The following RNF187 variants were observed in gnomAD, a reference collection of about 807,000 sequenced individuals.
The protein encoded by RNF187 is ring finger protein 187, also known as E3 ubiquitin-protein ligase RNF187.
RNF187 carries 18 observed loss-of-function variants against 22.2 expected under a neutral mutation model. That is an observed-to-expected ratio of 0.81 (90% CI 0.56 to 1.20). The LOEUF is 1.20. Among genes scored for constraint, RNF187 ranks in the 50% most tolerant of loss-of-function variants. The probability of loss-of-function intolerance (pLI) is 0.00; values close to 1 mark genes in which losing one functional copy is unlikely to be tolerated. For missense variants in RNF187, 329 were observed against 317.6 expected (o/e 1.04, Z -0.27); for synonymous variants, 164 against 140.9 (o/e 1.16, Z -1.16).
In RNF187 at chr1:228,494,836, G is replaced by A; in HGVS notation, c.*951G>A. On this transcript the variant is annotated 3_prime_UTR_variant, in exon 4 of 4. Transcript: ENST00000305943. Reference sequence around the variant, plus strand: ...GTTGTTGAGATTTGGGGATAGCCGGGCTTGTGAGCGGTGCCCATTTCCAGA... The same window carrying A: ...GTTGTTGAGATTTGGGGATAGCCGGACTTGTGAGCGGTGCCCATTTCCAGA... The A allele has an allele frequency of 1.0e-6, 1 of 985,464 alleles. No homozygotes were observed. The highest frequency in any genetic ancestry group is 4.7e-5 in the South Asian group (1 of 21,282). The allele number at this position is 985,464 out of a possible 1,614,324, so 61.0% of individuals were successfully genotyped here.
In RNF187 at chr1:228,493,938, T is replaced by C; in HGVS notation, c.*53T>C. 26 of 1,551,632 alleles carry C rather than the reference T, an allele frequency of 1.7e-5. No homozygotes were observed. In the East Asian group the frequency reaches 5.4e-4, roughly 32 times the overall value. ...CTGGAGGCAGGAGGATGGATCCTCATCTCCATGGGAAGTGTCAGCGTGTGG... is the reference window on the plus strand; with the variant it reads ...CTGGAGGCAGGAGGATGGATCCTCACCTCCATGGGAAGTGTCAGCGTGTGG... On this transcript the variant is annotated 3_prime_UTR_variant, in exon 4 of 4. Coordinates refer to ENST00000305943, the MANE Select transcript of RNF187 (RefSeq NM_001010858.3). The surrounding 1 kb of genome is among the most constrained non-coding windows in gnomAD (Gnocchi z 4.7).
chr1:228,492,386 T>G, intron 2 of RNF187, among the ~76,000 whole-genome samples: 2 of 151,760 alleles, frequency 1.3e-5, no homozygotes, highest in African/African-American at 2.4e-5. Flanking sequence ...TTTTTGTTTT[T>G]TTTTGGCTCA....
intron 1 of RNF187, 100 bp downstream of exon 1, chr1:228,487,978 T>A: frequency 1.4e-6 from 1 of 702,748 alleles, no homozygotes; most frequent in Non-Finnish European, 1.7e-6. Flanking sequence ...CCGTCTCCAC[T>A]GTTCCTGTCC....
Position 228,493,863 on chromosome 1 carries a change from C to T in RNF187, c.706-20C>T. On this transcript the variant is annotated intron_variant, in intron 3 of 3. Transcript: ENST00000305943. The surrounding 1 kb of genome is among the most constrained non-coding windows in gnomAD (Gnocchi z 4.7). The stretch of plus-strand genomic sequence containing the variant: ...TTTCTCTTTTTGTCTCTCTGTCTTT[C>T]CCTCTCCCCTCCCATGCAGTGATGG... 1.3e-6 allele frequency: 2 copies of T among 1,551,420 alleles called. No individual in the cohort carries two copies. Among genetic ancestry groups the T allele is most frequent in the African/African-American group, 1.4e-5 (1 of 73,048 alleles).
chr1:228,494,679 T>G lies in RNF187; in HGVS notation c.*794T>G. 5.1e-6 allele frequency: 5 copies of G among 985,560 alleles called. No individual in the cohort carries two copies. Among genetic ancestry groups the G allele is most frequent in the Non-Finnish European group, 6.0e-6 (5 of 830,044 alleles). 61.1% of individuals were successfully genotyped at this position (985,560 alleles called of 1,614,324 possible). A position where few individuals can be genotyped will look rare whatever the true frequency, so the allele number is the denominator to read the frequency against. On this transcript the variant is annotated 3_prime_UTR_variant, in exon 4 of 4. Transcript: ENST00000305943. ...AGCTCTTTCCCTCCTCCCATTTCCT[T>G]TAGTAGTTGAATTTTGCAAAGCTTG...
In RNF187 at chr1:228,494,804, G is replaced by A; in HGVS notation, c.*919G>A. The A allele has an allele frequency of 1.0e-6, 1 of 985,514 alleles. No homozygotes were observed. The highest frequency in any genetic ancestry group is 1.2e-6 in the Non-Finnish European group (1 of 829,988). The allele number at this position is 985,514 out of a possible 1,614,324, so 61.0% of individuals were successfully genotyped here. A position where few individuals can be genotyped will look rare whatever the true frequency, so the allele number is the denominator to read the frequency against. On this transcript the variant is annotated 3_prime_UTR_variant, in exon 4 of 4. Transcript: ENST00000305943. ...GGATTGCAAAGTCGGGGACATAGAT[G>A]CAGACAGTTGTTGAGATTTGGGGAT...
At position 228,488,799 on chromosome 1, in the gene RNF187, T is replaced by G; in HGVS notation, c.391-161T>G. 2.8e-4 allele frequency among the ~76,000 whole-genome samples: 42 copies of G among 152,346 alleles called. No homozygotes were observed. In the South Asian group the frequency reaches 5.2e-3, roughly 19 times the overall value. ...ATAGGTGTGAAGCCCAAGAAACCTTTTGACTGCCTGTGCGTTCCTGCCCTA... is the reference window on the plus strand; with the variant it reads ...ATAGGTGTGAAGCCCAAGAAACCTTGTGACTGCCTGTGCGTTCCTGCCCTA... On this transcript the variant is annotated intron_variant, in intron 1 of 3. Transcript: ENST00000305943.
At chr1:228,489,832 C>G in intron 2 of RNF187, among the ~76,000 whole-genome samples, 1 of 152,170 alleles carries the variant, frequency 6.6e-6, no homozygotes, top group South Asian at 2.1e-4. Flanking sequence ...AACCTCATCA[C>G]CTCCCAAGGG....
chr1:228,492,931 G>A, intron 2 of RNF187, 122 bp from the exon 3 acceptor site: 3 of 1,083,498 alleles, frequency 2.8e-6, no homozygotes, highest in Non-Finnish European at 3.9e-6. Context: ...CCTAATAGTC[G>A]ATGTGCCTGA....
chr1:228,491,947 T>G, intron 2 of RNF187, among the ~76,000 whole-genome samples: 1 of 152,322 alleles, frequency 6.6e-6, no homozygotes. Flanking sequence ...CTTCCTGTCG[T>G]CCTTGATGAT....
chr1:228,490,212 G>T, intron 2 of RNF187, among the ~76,000 whole-genome samples: 1 of 152,190 alleles, frequency 6.6e-6, no homozygotes, highest in Non-Finnish European at 1.5e-5. Context: ...TGAGGCTGAG[G>T]TGGGCTCTGT....
Position 228,494,424 on chromosome 1 carries a change from CTT to C in RNF187, c.*540_*541del. On this transcript the variant is annotated 3_prime_UTR_variant, in exon 4 of 4. Transcript: ENST00000305943. ...TGCCTCCTGAGGAGGCGGCCCCCCT[CTT>C]GAGGTGGGCGTGGGCCCGGCCCAGC... The C allele has an allele frequency of 1.2e-5, 12 of 995,252 alleles. No homozygotes were observed. The highest frequency in any genetic ancestry group is 5.1e-4 in the Middle Eastern group (1 of 1,958). 61.7% of individuals were successfully genotyped at this position (995,252 alleles called of 1,614,324 possible).
chr1:228,493,447 T>C lies in RNF187; in HGVS notation c.705+173T>C. ...ATGGGTGGGTGGTCAGGGAAGGTGATGGGAAGGGGTTTTAAGTTGAGGAGG... is the reference window on the plus strand; with the variant it reads ...ATGGGTGGGTGGTCAGGGAAGGTGACGGGAAGGGGTTTTAAGTTGAGGAGG... On this transcript the variant is annotated intron_variant, in intron 3 of 3. Coordinates refer to ENST00000305943, the MANE Select transcript of RNF187 (RefSeq NM_001010858.3). This position sits in a 1 kb window ranked among gnomAD's most constrained non-coding sequence, Gnocchi z 4.7. 6.6e-6 allele frequency among the ~76,000 whole-genome samples: 1 copy of C among 152,228 alleles called. No individual in the cohort carries two copies. The highest frequency in any genetic ancestry group is 2.1e-4 in the South Asian group (1 of 4,828).
chr1:228,493,050 C>T lies in RNF187; in HGVS notation c.484-3C>T. On this transcript the variant is annotated splice_region_variant and splice_polypyrimidine_tract_variant and intron_variant, in intron 2 of 3. Transcript: ENST00000305943. The surrounding 1 kb of genome is among the most constrained non-coding windows in gnomAD (Gnocchi z 4.7). Reference sequence around the variant, plus strand: ...CAGGTCTTTTCCTGCCACCCGTTTGCAGGGACACGTGATGGACCGTAGGAA... The same window carrying T: ...CAGGTCTTTTCCTGCCACCCGTTTGTAGGGACACGTGATGGACCGTAGGAA... The T allele has an allele frequency of 1.3e-6, 2 of 1,538,146 alleles. No homozygotes were observed. The highest frequency in any genetic ancestry group is 1.8e-6 in the Non-Finnish European group (2 of 1,137,680).
In RNF187 at chr1:228,487,667, C is replaced by A; in HGVS notation, c.179C>A (p.Ala60Asp). 1 of 1,125,548 alleles carries A rather than the reference C, an allele frequency of 8.9e-7. No individual in the cohort carries two copies. The allele number at this position is 1,125,548 out of a possible 1,614,324, so 69.7% of individuals were successfully genotyped here. ...TGCGCCGACGACTGCTGGCAGCGCG[C>A]CGTGGAGCCCGGCAGGCCCCCGCTC... Residue 60 changes from alanine to aspartate, a missense_variant, in exon 1 of 4, where the codon GCC (alanine) becomes GAC (aspartate). By Grantham distance (126) the Ala-to-Asp change is moderately radical (BLOSUM62 -2). Transcript: ENST00000305943.
intron 2 of RNF187, 35 bp downstream of exon 2, chr1:228,489,087 G>A: frequency 2.7e-6 from 4 of 1,505,208 alleles, no homozygotes; most frequent in East Asian, 2.5e-5. Context: ...CTGGAATGAG[G>A]GGACTGTGGG....
At position 228,496,030 on chromosome 1, in the gene RNF187, C is replaced by T; in HGVS notation, c.*2145C>T. Among the ~76,000 whole-genome samples, 10 of 152,300 alleles carry T rather than the reference C, an allele frequency of 6.6e-5. No individual in the cohort carries two copies. Among genetic ancestry groups the T allele is most frequent in the African/African-American group, 2.4e-4 (10 of 41,550 alleles). On this transcript the variant is annotated 3_prime_UTR_variant, in exon 4 of 4. Transcript: ENST00000305943. ...CCAACTGCGTACAGTACACGGTTAT[C>T]AGCTGAAGTCACCATGCTGTGCAAT...
In RNF187 at chr1:228,495,149, A is replaced by C; in HGVS notation, c.*1264A>C. 2.3e-5 allele frequency: 13 copies of C among 556,192 alleles called. No individual in the cohort carries two copies. The highest frequency in any genetic ancestry group is 3.0e-5 in the Non-Finnish European group (13 of 438,034). 34.5% of individuals were successfully genotyped at this position (556,192 alleles called of 1,614,324 possible). A position where few individuals can be genotyped will look rare whatever the true frequency, so the allele number is the denominator to read the frequency against. On this transcript the variant is annotated 3_prime_UTR_variant, in exon 4 of 4. Transcript: ENST00000305943. ...GGGGCCTGGGGGGAGATGGGGCTCC[A>C]CCCCGACGTAGCAGGGCAGGGGTTG...
Position 228,495,557 on chromosome 1 carries a change from C to T in RNF187, c.*1672C>T. ...CGCCTGCTGCAGTCTGCTGTCATCC[C>T]TGAGCATCCCTGCCCCTGCCCTGCA... On this transcript the variant is annotated 3_prime_UTR_variant, in exon 4 of 4. Coordinates refer to ENST00000305943, the MANE Select transcript of RNF187 (RefSeq NM_001010858.3). 3 of 985,424 alleles carry T rather than the reference C, an allele frequency of 3.0e-6. No homozygotes were observed. The highest frequency in any genetic ancestry group is 3.6e-6 in the Non-Finnish European group (3 of 829,968). 61.0% of individuals were successfully genotyped at this position (985,424 alleles called of 1,614,324 possible).
Sources: allele counts gnomAD v4.1 joint callset (sites outside exome capture counted in the v4.1 genomes callset), GRCh38; gene constraint gnomAD v4.1.1; non-coding constraint Gnocchi (gnomAD v3.1); transcripts MANE v1.5; gene names NCBI Gene and HGNC (gene_info 2026-07-23, HGNC 2026-07-21).